ECT2: variants seen among roughly 807,000 people sequenced by gnomAD.
ECT2 encodes epithelial cell transforming 2, also known as protein ECT2.
A neutral mutation model predicts 116.9 loss-of-function variants in ECT2; 61 were observed. The ratio of observed to expected loss-of-function variants is 0.52; its 90% CI spans 0.42 to 0.65. ECT2 has a LOEUF of 0.65. Among genes scored for constraint, ECT2 ranks in the 30% least tolerant of loss-of-function variants. The pLI is 0.00. For synonymous variants in ECT2, 358 were observed against 346.4 expected, an observed-to-expected ratio of 1.03 and a Z score of -0.37; for missense variants, 937 against 1,078.7, an observed-to-expected ratio of 0.87 and a Z score of 1.84.
intron 5 of ECT2, among the ~76,000 whole-genome samples, chr3:172,757,720 A>G (rs1717323774): frequency 6.6e-6 from 1 of 151,942 alleles, no homozygotes; most frequent in Non-Finnish European, 1.5e-5. Context: ...TGGCGTATAC[A>G]CTATCAATAC....
intron 21 of ECT2, among the ~76,000 whole-genome samples, chr3:172,806,390 T>C (rs946811534): frequency 6.6e-6 from 1 of 152,162 alleles, no homozygotes; most frequent in Non-Finnish European, 1.5e-5. Flanking sequence ...CTCTAAACTT[T>C]GGTAGTGTTA....
Position 172,762,448 on chromosome 3 carries a change from A to G in ECT2, c.791A>G (p.Asn264Ser). Residue 264 changes from asparagine to serine, a missense_variant, in exon 9 of 25, where the codon AAT becomes AGT. Transcript: ENST00000392692. ...TATGCAGCAGTTGATGACTTTAGAAATGAATTTAAAGTTCCTCCATTTCAA... is the reference window on the plus strand; with the variant it reads ...TATGCAGCAGTTGATGACTTTAGAAGTGAATTTAAAGTTCCTCCATTTCAA... ...DFYAAVDDFR[N>S]EFKVPPFQDC... 6.3e-7 allele frequency: 1 copy of G among 1,597,540 alleles called. No individual in the cohort carries two copies. The highest frequency in any genetic ancestry group is 1.1e-5 in the South Asian group (1 of 88,214).
At chr3:172,763,690 A>G (rs1220940720) in intron 11 of ECT2, among the ~76,000 whole-genome samples, 3 of 152,228 alleles carry the variant, frequency 2.0e-5, no homozygotes, top group African/African-American at 7.2e-5. Context: ...GAGTAGTATC[A>G]CTCACCAAAA....
intron 20 of ECT2, among the ~76,000 whole-genome samples, chr3:172,803,181 G>A (rs1727042287): frequency 6.6e-6 from 1 of 152,110 alleles, no homozygotes; most frequent in African/African-American, 2.4e-5. Context: ...AGAAGTGTAA[G>A]TTTTCATGAC....
chr3:172,819,595 A>G (rs573079341), intron 24 of ECT2, among the ~76,000 whole-genome samples: 6 of 152,054 alleles, frequency 3.9e-5, no homozygotes, highest in Non-Finnish European at 7.4e-5. Flanking sequence ...ATCCTCCCAC[A>G]TCAGCCTCCT....
chr3:172,770,218 A>G (rs1206651606), intron 13 of ECT2, among the ~76,000 whole-genome samples: 1 of 152,172 alleles, frequency 6.6e-6, no homozygotes, highest in Non-Finnish European at 1.5e-5. Context: ...AGTTTTTATA[A>G]TGATTCAAAA....
intron 18 of ECT2, among the ~76,000 whole-genome samples, chr3:172,794,459 T>C (rs1035302302): frequency 6.6e-6 from 1 of 152,250 alleles, no homozygotes; most frequent in African/African-American, 2.4e-5. Flanking sequence ...TTGATCTGTA[T>C]GTCTGTGCTT....
In ECT2 at chr3:172,757,155, A is replaced by G. The variant is rs1366254832; in HGVS notation, c.476A>G (p.Gln159Arg). The G allele has an allele frequency of 6.7e-7, 1 of 1,499,354 alleles. No individual in the cohort carries two copies. The highest frequency in any genetic ancestry group is 2.5e-5 in the Admixed American group (1 of 39,672). The allele number at this position is 1,499,354 out of a possible 1,614,324, so 92.9% of individuals were successfully genotyped here. A position where few individuals can be genotyped will look rare whatever the true frequency, so the allele number is the denominator to read the frequency against. Residue 159 changes from glutamine to arginine, a missense_variant, in exon 5 of 25, where the codon CAA becomes CGA. Transcript: ENST00000392692. ...CCACCAGTTGTATTAAATTGTTCAC[A>G]AAAAGGAGAGGTAAGCATATACATT... ...IGPPVVLNCS[Q>R]KGEPLPFSCR...
intron 21 of ECT2, 71 bp from the exon 22 acceptor site, chr3:172,807,699 A>T: frequency 6.6e-7 from 1 of 1,509,156 alleles, no homozygotes; most frequent in Non-Finnish European, 8.9e-7. Context: ...CTCTGAGGGA[A>T]CTAAACTTGC....
intron 17 of ECT2, 38 bp from the exon 18 acceptor site, chr3:172,786,455 A>C: frequency 7.1e-7 from 1 of 1,402,954 alleles, no homozygotes. Context: ...GAAATCACTG[A>C]ATTTTTTATG....
chr3:172,784,392 TATG>T (rs1413690945), intron 16 of ECT2, among the ~76,000 whole-genome samples: 5 of 152,310 alleles, frequency 3.3e-5, no homozygotes, highest in African/African-American at 1.2e-4. Context: ...AGTTCCTTAT[TATG>T]GTATTAGCAT....
In ECT2 at chr3:172,754,598, A is replaced by T. The variant is rs964051209; in HGVS notation, c.68A>T (p.Asp23Val). Residue 23 changes from aspartate (D) to valine (V), a missense_variant, in exon 2 of 25, where the codon GAT becomes GTT. By Grantham distance (152) the Asp-to-Val change is radical. Coordinates refer to ENST00000392692, the MANE Select transcript of ECT2 (RefSeq NM_001258315.2). ...AGCTTGGCAGACTCTTCCATTTTTG[A>T]TTCTAAAGTTACTGAGATTTCCAAG... ...RTSLADSSIF[D>V]SKVTEISKEN... 2.5e-6 allele frequency: 4 copies of T among 1,611,758 alleles called. No individual in the cohort carries two copies. The highest frequency in any genetic ancestry group is 3.4e-6 in the Non-Finnish European group (4 of 1,178,616).
At chr3:172,825,580 G>A (rs1484690121), downstream of ECT2, among the ~76,000 whole-genome samples, 4 of 152,164 alleles carry the variant, frequency 2.6e-5, no homozygotes, top group South Asian at 2.1e-4. Flanking sequence ...GGTCTAGAGA[G>A]AAGATCAAAC....
chr3:172,799,976 G>T (rs1027985779), intron 18 of ECT2, among the ~76,000 whole-genome samples: 1 of 152,138 alleles, frequency 6.6e-6, no homozygotes, highest in African/African-American at 2.4e-5. Flanking sequence ...CTCAAATGTG[G>T]CCCAGCTCCC....
At position 172,769,023 on chromosome 3, in the gene ECT2, T is replaced by C; in HGVS notation, c.1308T>C (p.Cys436=). 3 of 1,612,856 alleles carry C rather than the reference T, an allele frequency of 1.9e-6. No homozygotes were observed. Among genetic ancestry groups the C allele is most frequent in the Admixed American group, 1.7e-5 (1 of 59,876 alleles). The change falls in exon 13 of 25, where the codon TGT becomes TGC. Residue 436 remains cysteine, a synonymous_variant. Coordinates refer to ENST00000392692, the MANE Select transcript of ECT2 (RefSeq NM_001258315.2). ...ACGTTTCAGACACCCCAAAGTCTTG[T>C]ACTAAGTCTTCTAAAAGCTCCACTC... ...SINYGDTPKS[C]TKSSKSSTPV...
chr3:172,761,294 G>A (rs1355269617), intron 7 of ECT2, among the ~76,000 whole-genome samples: 2 of 152,058 alleles, frequency 1.3e-5, no homozygotes, highest in Non-Finnish European at 2.9e-5. Context: ...GTCTTCTTCT[G>A]TAGTGCCATC....
chr3:172,808,674 G>T (rs989038988), intron 22 of ECT2, among the ~76,000 whole-genome samples: 5 of 152,102 alleles, frequency 3.3e-5, no homozygotes, highest in Non-Finnish European at 5.9e-5. Context: ...TTGCACAAAT[G>T]ACATAGATTG....
downstream of ECT2, among the ~76,000 whole-genome samples, chr3:172,824,326 A>G (rs571552603): frequency 1.3e-5 from 2 of 152,324 alleles, no homozygotes; most frequent in East Asian, 3.9e-4. Context: ...CAGGAAATTT[A>G]CAATCATGGC....
chr3:172,773,647 G>A (rs780744711), intron 13 of ECT2, among the ~76,000 whole-genome samples: 2 of 152,158 alleles, frequency 1.3e-5, no homozygotes, highest in Admixed American at 1.3e-4. Flanking sequence ...ATGATTGATT[G>A]CAGAACTGTG....
Sources: allele counts gnomAD v4.1 joint callset (sites outside exome capture counted in the v4.1 genomes callset), GRCh38; gene constraint gnomAD v4.1.1; transcripts MANE v1.5; gene names NCBI Gene and HGNC (gene_info 2026-07-23, HGNC 2026-07-21).